PITPNC1: variants seen among roughly 807,000 people sequenced by gnomAD.
The protein encoded by PITPNC1 is phosphatidylinositol transfer protein cytoplasmic 1.
In PITPNC1, 18 loss-of-function variants were observed where a neutral mutation model predicts 44.7. The observed-to-expected ratio is 0.40, with a 90% CI of 0.28 to 0.60. The LOEUF (loss-of-function observed/expected upper bound fraction) is 0.60. Among genes scored for constraint, PITPNC1 ranks in the 20% least tolerant of loss-of-function variants. The probability of loss-of-function intolerance (pLI) is 0.39; values close to 1 mark genes in which losing one functional copy is unlikely to be tolerated. For missense variants in PITPNC1, 290 were observed against 418.4 expected (o/e 0.69, Z 2.68); for synonymous variants, 141 against 149.6 (o/e 0.94, Z 0.42).
At chr17:67,408,158 T>G (rs2038429473) in intron 1 of PITPNC1, among the ~76,000 whole-genome samples, 1 of 152,084 alleles carries the variant, frequency 6.6e-6, no homozygotes. Context: ...TTTACCATGT[T>G]GCCCAGGCTG....
At chr17:67,662,478 G>C (rs956807989) in intron 6 of PITPNC1, among the ~76,000 whole-genome samples, 2 of 151,936 alleles carry the variant, frequency 1.3e-5, no homozygotes, top group African/African-American at 4.8e-5. Flanking sequence ...ATAATTCAAC[G>C]TTTTTTTCAT....
chr17:67,609,835 C>T (rs2041664729), intron 5 of PITPNC1, among the ~76,000 whole-genome samples: 3 of 151,438 alleles, frequency 2.0e-5, no homozygotes, highest in Admixed American at 2.0e-4. Flanking sequence ...CTTTTTGTAC[C>T]CAAGCTTGGG....
chr17:67,575,863 C>T (rs74883906), intron 4 of PITPNC1, among the ~76,000 whole-genome samples: 257 of 17,668 alleles, frequency 0.015, 4 homozygotes, highest in African/African-American at 0.029. Context: ...TCTTTCCTTC[C>T]TTCTTTCTTT....
At position 67,539,836 on chromosome 17, in the gene PITPNC1, TCAAA is replaced by T. The variant is rs59912599; in HGVS notation, c.197+6903_197+6906del. 5.8e-3 allele frequency among the ~76,000 whole-genome samples: 879 copies of T among 152,130 alleles called. 6 individuals carry two copies. Among genetic ancestry groups the T allele is most frequent in the African/African-American group, 0.018 (767 of 41,468 alleles). The stretch of plus-strand genomic sequence containing the variant: ...CTGGGTGACAGAACGAGACGCCGTC[TCAAA>T]CAAACAAACAAACAAATGTATATAT... On this transcript the variant is annotated intron_variant, in intron 2 of 8. Coordinates refer to ENST00000581322, the MANE Select transcript of PITPNC1 (RefSeq NM_012417.4).
At chr17:67,418,717 C>T (rs752986748) in intron 1 of PITPNC1, among the ~76,000 whole-genome samples, 5 of 152,012 alleles carry the variant, frequency 3.3e-5, no homozygotes, top group Non-Finnish European at 7.4e-5. Flanking sequence ...CCCACCATCA[C>T]GCCAGGCTAA....
intron 6 of PITPNC1, among the ~76,000 whole-genome samples, chr17:67,656,212 G>A (rs970004319): frequency 3.9e-5 from 6 of 152,176 alleles, no homozygotes; most frequent in East Asian, 1.9e-4. Flanking sequence ...ACCTCATCCC[G>A]AGGTTTCAGT....
chr17:67,551,056 G>A (rs540000507), intron 2 of PITPNC1, among the ~76,000 whole-genome samples: 4 of 152,068 alleles, frequency 2.6e-5, no homozygotes, highest in South Asian at 4.2e-4. Context: ...GCGAGACTCC[G>A]TGTCAAAACA....
chr17:67,433,889 G>A (rs1318946774), intron 1 of PITPNC1, among the ~76,000 whole-genome samples: 1 of 151,888 alleles, frequency 6.6e-6, no homozygotes, highest in Admixed American at 6.6e-5. Context: ...GTGACATAGC[G>A]AGACTCTGTC....
At chr17:67,652,784 G>C (rs2042223431) in intron 6 of PITPNC1, among the ~76,000 whole-genome samples, 1 of 152,224 alleles carries the variant, frequency 6.6e-6, no homozygotes, top group Non-Finnish European at 1.5e-5. Flanking sequence ...TGAGCTGGAA[G>C]AGTGACCGCG....
intron 6 of PITPNC1, among the ~76,000 whole-genome samples, chr17:67,641,783 AAATAAT>A (rs151024440): frequency 0.026 from 3,529 of 135,908 alleles, 207 homozygotes; most frequent in Admixed American, 0.13. Context: ...CCCTACCTCA[AAATAAT>A]AATAATAATA....
chr17:67,587,131 G>A (rs1010429968), intron 5 of PITPNC1, among the ~76,000 whole-genome samples: 8 of 152,196 alleles, frequency 5.3e-5, no homozygotes, highest in South Asian at 2.1e-4. Flanking sequence ...AAGCAAGAGC[G>A]CCATTTAGTC....
chr17:67,422,692 A>G (rs1374669200), intron 1 of PITPNC1, among the ~76,000 whole-genome samples: 1 of 151,838 alleles, frequency 6.6e-6, no homozygotes, highest in Non-Finnish European at 1.5e-5. Context: ...GGATTAGACT[A>G]CTACACTCGG....
At chr17:67,500,823 G>A (rs200914732) in intron 1 of PITPNC1, among the ~76,000 whole-genome samples, 70 of 150,880 alleles carry the variant, frequency 4.6e-4, no homozygotes, top group African/African-American at 1.4e-3. Context: ...AGCTGGGACC[G>A]CAGGCGCGCA....
rs576423620 is a variant in PITPNC1 at position 67,414,602 on chromosome 17, T to A, written c.48+36400T>A. On this transcript the variant is annotated intron_variant, in intron 1 of 8. Coordinates refer to ENST00000581322, the MANE Select transcript of PITPNC1 (RefSeq NM_012417.4). Reference sequence around the variant, plus strand: ...TGGAACACGGGCACACTCAAGGTATTGCCTATGGATGCTTTTGTGTTACAA... The same window carrying A: ...TGGAACACGGGCACACTCAAGGTATAGCCTATGGATGCTTTTGTGTTACAA... Among the ~76,000 whole-genome samples, 33 of 152,310 alleles carry A rather than the reference T, an allele frequency of 2.2e-4. No individual in the cohort carries two copies. The South Asian group carries it at 6.8e-3, about 32-fold the overall frequency.
chr17:67,465,018 C>T (rs1425002972), intron 1 of PITPNC1, among the ~76,000 whole-genome samples: 7 of 152,304 alleles, frequency 4.6e-5, no homozygotes, highest in Admixed American at 1.3e-4. Context: ...GGATTACAGG[C>T]GTGAGCCACC....
At chr17:67,645,165 A>G (rs1320828695) in intron 6 of PITPNC1, among the ~76,000 whole-genome samples, 3 of 151,940 alleles carry the variant, frequency 2.0e-5, no homozygotes, top group Non-Finnish European at 4.4e-5. Flanking sequence ...ACACGGAGAA[A>G]CCGCATCTCT....
intron 1 of PITPNC1, among the ~76,000 whole-genome samples, chr17:67,515,005 T>TCTAGTTAATAACTGAG (rs1385066930): frequency 1.3e-5 from 2 of 152,194 alleles, no homozygotes; most frequent in Non-Finnish European, 2.9e-5. Context: ...TAACTAGTGC[T>TCTAGTTAATAACTGAG]CAGTCTCCCA....
chr17:67,396,189 G>A (rs2038217403), intron 1 of PITPNC1, among the ~76,000 whole-genome samples: 1 of 152,084 alleles, frequency 6.6e-6, no homozygotes, highest in Non-Finnish European at 1.5e-5. Flanking sequence ...GGCTATTAGA[G>A]GTCCAAATGG....
In PITPNC1 at chr17:67,403,152, G is replaced by A. The variant is rs544166044; in HGVS notation, c.48+24950G>A. On this transcript the variant is annotated intron_variant, in intron 1 of 8. Transcript: ENST00000581322. ...GTGCCTGTAATCCCAAGGGGCCAAG[G>A]CGGGAGGATTGCTTTAGTCCAGGAG... 4.5e-4 allele frequency among the ~76,000 whole-genome samples: 65 copies of A among 143,082 alleles called. No individual in the cohort carries two copies. In the South Asian group the frequency reaches 0.01, roughly 22 times the overall value. The allele number at this position is 143,082 out of a possible 152,430, so 93.9% of individuals were successfully genotyped here. A position where few individuals can be genotyped will look rare whatever the true frequency, so the allele number is the denominator to read the frequency against.
Sources: gnomAD v4.1 joint callset for allele counts (sites outside exome capture counted in the v4.1 genomes callset) on GRCh38, gnomAD v4.1.1 for gene constraint, MANE v1.5 for transcripts, NCBI Gene and HGNC (gene_info 2026-07-23, HGNC 2026-07-21) for gene names.